THSD7B: variants seen among roughly 807,000 people sequenced by gnomAD.
THSD7B encodes thrombospondin type-1 domain-containing protein 7B.
THSD7B carries 138 observed loss-of-function variants against 213.6 expected under a neutral mutation model. The ratio of observed to expected loss-of-function variants is 0.65; its 90% CI spans 0.56 to 0.74. THSD7B has a LOEUF of 0.74. Ranked by LOEUF, THSD7B falls within the 30% of genes least tolerant of loss-of-function variation. The pLI, the probability that THSD7B is intolerant of heterozygous loss-of-function variation, is 0.00. For missense variants in THSD7B, 1,931 were observed against 1,991.5 expected (o/e 0.97, Z 0.58); for synonymous variants, 742 against 687.0 (o/e 1.08, Z -1.25).
At chr2:137,238,775 G>A (rs1054718220) in intron 9 of THSD7B, among the ~76,000 whole-genome samples, 1 of 148,974 alleles carries the variant, frequency 6.7e-6, no homozygotes, top group Non-Finnish European at 1.5e-5. Context: ...GGATGGTCTC[G>A]ATCTCCTGAC....
intron 2 of THSD7B, among the ~76,000 whole-genome samples, chr2:137,046,196 T>G (rs1358853585): frequency 6.6e-6 from 1 of 152,162 alleles, no homozygotes. Flanking sequence ...GTACAGGGAA[T>G]AGAGTAGTGA....
At chr2:137,656,570 G>A (rs967583422) in intron 22 of THSD7B, among the ~76,000 whole-genome samples, 2 of 152,180 alleles carry the variant, frequency 1.3e-5, no homozygotes, top group Admixed American at 6.5e-5. Flanking sequence ...TTGAAGCAAA[G>A]TAATAACAAT....
intron 17 of THSD7B, among the ~76,000 whole-genome samples, chr2:137,576,797 C>G (rs902374505): frequency 9.0e-6 from 1 of 111,712 alleles, no homozygotes. Flanking sequence ...AGAAAAACAC[C>G]CCCCCCCCTT....
intron 12 of THSD7B, among the ~76,000 whole-genome samples, chr2:137,368,185 C>T (rs1685463288): frequency 6.6e-6 from 1 of 151,828 alleles, no homozygotes; most frequent in Admixed American, 6.6e-5. Flanking sequence ...AAAGGAACTA[C>T]CTTCAGAAAT....
At chr2:137,649,180 G>A (rs1329459756) in intron 21 of THSD7B, among the ~76,000 whole-genome samples, 1 of 152,044 alleles carries the variant, frequency 6.6e-6, no homozygotes, top group Non-Finnish European at 1.5e-5. Context: ...TTAAGTCCTT[G>A]TCACATGGGT....
chr2:136,805,863 G>T (rs1682271248), intron 1 of THSD7B, among the ~76,000 whole-genome samples: 1 of 152,184 alleles, frequency 6.6e-6, no homozygotes, highest in Non-Finnish European at 1.5e-5. Context: ...GGTAGTAACA[G>T]CTCTCCTGTT....
intron 15 of THSD7B, among the ~76,000 whole-genome samples, chr2:137,497,783 G>A (rs1393103844): frequency 1.3e-5 from 2 of 152,106 alleles, no homozygotes; most frequent in Non-Finnish European, 2.9e-5. Context: ...TTAAATGACA[G>A]AAAGGTTTCT....
intron 12 of THSD7B, among the ~76,000 whole-genome samples, chr2:137,392,880 C>A (rs1002002792): frequency 2.6e-5 from 4 of 151,846 alleles, no homozygotes; most frequent in African/African-American, 9.7e-5. Flanking sequence ...CATTAGATTC[C>A]TTTCTCTTCC....
chr2:137,056,498 G>A lies in THSD7B; in HGVS notation c.218G>A (p.Gly73Glu), dbSNP rs754131663. The A allele has an allele frequency of 7.4e-6, 12 of 1,613,946 alleles. No homozygotes were observed. The highest frequency in any genetic ancestry group is 1.0e-5 in the Non-Finnish European group (12 of 1,179,874). Reference protein sequence around the residue: ...SRAVWCFHVDGWTSHLSNCGE... With the variant: ...SRAVWCFHVDEWTSHLSNCGE... ...GCAGTGTGGTGTTTTCATGTTGACG[G>A]GTGGACAAGTCACCTGTCTAACTGT... The change falls in exon 3 of 28, where the codon GGG becomes GAG. Residue 73 changes from glycine to glutamate, a missense_variant. By Grantham distance (98) the Gly-to-Glu change is moderately conservative. Transcript: ENST00000409968.
At chr2:136,878,072 T>TC (rs929556564) in intron 1 of THSD7B, among the ~76,000 whole-genome samples, 9 of 152,010 alleles carry the variant, frequency 5.9e-5, no homozygotes, top group Admixed American at 5.2e-4. Context: ...CCTCCCACTT[T>TC]CCCCCACCCC....
chr2:137,318,504 CAG>C (rs2104875448), intron 12 of THSD7B, among the ~76,000 whole-genome samples: 1 of 152,188 alleles, frequency 6.6e-6, no homozygotes, highest in South Asian at 2.1e-4. Flanking sequence ...AAAGTAAAAA[CAG>C]AGGTAATACC....
intron 2 of THSD7B, among the ~76,000 whole-genome samples, chr2:136,968,327 G>A (rs1454013403): frequency 6.6e-6 from 1 of 151,990 alleles, no homozygotes; most frequent in Non-Finnish European, 1.5e-5. Context: ...TGGATTTAAA[G>A]GTATCTTTGA....
chr2:137,125,615 T>C (rs1688617261), intron 5 of THSD7B, among the ~76,000 whole-genome samples: 1 of 152,230 alleles, frequency 6.6e-6, no homozygotes, highest in Non-Finnish European at 1.5e-5. Flanking sequence ...TTCAAACTTC[T>C]GTTAATGTTG....
chr2:137,652,279 T>C (rs1452286195), intron 21 of THSD7B, among the ~76,000 whole-genome samples: 1 of 152,102 alleles, frequency 6.6e-6, no homozygotes, highest in Admixed American at 6.5e-5. Context: ...TATATCCTCT[T>C]GCTGAATTGA....
rs1006057207 is a variant in THSD7B at position 137,620,116 on chromosome 2, A to T, written c.3682-493A>T. Among the ~76,000 whole-genome samples, 7 of 152,272 alleles carry T rather than the reference A, an allele frequency of 4.6e-5. No individual in the cohort carries two copies. In the South Asian group the frequency reaches 1.5e-3, roughly 32 times the overall value. Reference sequence around the variant, plus strand: ...AAAAATAAACGGTATCATCAACTTGACCCATCGTTACGACCATGATTGTTT... The same window carrying T: ...AAAAATAAACGGTATCATCAACTTGTCCCATCGTTACGACCATGATTGTTT... On this transcript the variant is annotated intron_variant, in intron 19 of 27. Transcript: ENST00000409968.
intron 3 of THSD7B, among the ~76,000 whole-genome samples, chr2:137,088,261 AAT>A (rs1687880502): frequency 6.6e-6 from 1 of 151,824 alleles, no homozygotes; most frequent in Admixed American, 6.6e-5. Context: ...AAAAAAATAA[AAT>A]TAAATTTAAA....
chr2:137,673,147 A>C (rs1683615487), intron 27 of THSD7B, among the ~76,000 whole-genome samples: 1 of 152,206 alleles, frequency 6.6e-6, no homozygotes, highest in African/African-American at 2.4e-5. Context: ...TGGCTTGAGA[A>C]TGAGTCCTTG....
At chr2:136,782,411 TTG>T (rs1681758851) in intron 1 of THSD7B, among the ~76,000 whole-genome samples, 1 of 152,186 alleles carries the variant, frequency 6.6e-6, no homozygotes, top group Non-Finnish European at 1.5e-5. Flanking sequence ...TCACCATCTC[TTG>T]TTTGCATTTC....
chr2:137,470,505 A>G (rs955662830), intron 15 of THSD7B, among the ~76,000 whole-genome samples: 3 of 152,218 alleles, frequency 2.0e-5, no homozygotes, highest in African/African-American at 7.2e-5. Context: ...AAATCTTAAT[A>G]TAACACCTGG....
Sources: allele counts gnomAD v4.1 joint callset (sites outside exome capture counted in the v4.1 genomes callset), GRCh38; gene constraint gnomAD v4.1.1; transcripts MANE v1.5; gene names NCBI Gene and HGNC (gene_info 2026-07-23, HGNC 2026-07-21).